FRMD6: variants seen among roughly 807,000 people sequenced by gnomAD.
FRMD6 encodes the protein FERM domain containing 6.
FRMD6 carries 37 observed loss-of-function variants against 73.2 expected under a neutral mutation model. That is an observed-to-expected ratio of 0.51 (90% CI 0.39 to 0.66). The LOEUF (loss-of-function observed/expected upper bound fraction) is 0.66, where lower values mean the gene tolerates loss of function less well. FRMD6 is among the 30% of genes least tolerant of loss of function. FRMD6 has a pLI of 0.00. For synonymous variants in FRMD6, 273 were observed against 282.2 expected, an observed-to-expected ratio of 0.97 and a Z score of 0.33; for missense variants, 714 against 780.5, an observed-to-expected ratio of 0.91 and a Z score of 1.02.
chr14:51,533,504 G>A (rs1266200089), intron 1 of FRMD6, among the ~76,000 whole-genome samples: 3 of 152,052 alleles, frequency 2.0e-5, no homozygotes, highest in Non-Finnish European at 4.4e-5. Context: ...TAGAGATTAC[G>A]GCTGACTCTC....
At chr14:51,417,023 C>T in the FRMD6 span, among the ~76,000 whole-genome samples, 3 of 152,026 alleles carry the variant, frequency 2.0e-5, no homozygotes, top group African/African-American at 7.3e-5. Flanking sequence ...CTTCCTCCAT[C>T]CCTTTATTTT....
At chr14:51,514,214 G>C (rs1010598964) in intron 1 of FRMD6, among the ~76,000 whole-genome samples, 3 of 152,146 alleles carry the variant, frequency 2.0e-5, no homozygotes, top group Admixed American at 1.3e-4. Context: ...TAGAGAGACA[G>C]GGATAGTTCT....
At chr14:51,594,561 T>C (rs950230632) in intron 2 of FRMD6, among the ~76,000 whole-genome samples, 1 of 152,010 alleles carries the variant, frequency 6.6e-6, no homozygotes, top group African/African-American at 2.4e-5. Flanking sequence ...ACTCCCGACC[T>C]CAAGTGATCC....
At chr14:51,677,499 C>G (rs975326722) in intron 1 of FRMD6, among the ~76,000 whole-genome samples, 3 of 152,048 alleles carry the variant, frequency 2.0e-5, no homozygotes, top group African/African-American at 7.2e-5. Context: ...GAGAACAGCA[C>G]TTTTTGTTGG....
In FRMD6 at chr14:51,644,353, TCACACA is replaced by T. The variant is rs375341468; in HGVS notation, c.-146-45308_-146-45303del. ...ATCTCAGATTTCTCTGCCTCACCCT[TCACACA>T]CACACACACACACACACACACACAC... On this transcript the variant is annotated intron_variant, in intron 2 of 14. Transcript: ENST00000356218. 9.5e-3 allele frequency among the ~76,000 whole-genome samples: 1,352 copies of T among 142,158 alleles called. 21 individuals carry two copies. Among genetic ancestry groups the T allele is most frequent in the African/African-American group, 0.033 (1,253 of 37,636 alleles). 93.3% of individuals were successfully genotyped at this position (142,158 alleles called of 152,430 possible).
chr14:51,727,156 C>T (rs773300540), intron 13 of FRMD6, among the ~76,000 whole-genome samples: 1 of 152,032 alleles, frequency 6.6e-6, no homozygotes, highest in Non-Finnish European at 1.5e-5. Flanking sequence ...CTATATCCTA[C>T]CCAGCACCAA....
chr14:51,601,067 C>A (rs1890011289), intron 2 of FRMD6, among the ~76,000 whole-genome samples: 1 of 152,170 alleles, frequency 6.6e-6, no homozygotes, highest in Non-Finnish European at 1.5e-5. Context: ...CACCCTGATG[C>A]CCAGATGTTG....
In FRMD6 at chr14:51,727,811, T is replaced by C; in HGVS notation, c.1651T>C (p.Tyr551His). The C allele has an allele frequency of 6.2e-7, 1 of 1,614,100 alleles. No individual in the cohort carries two copies. The highest frequency in any genetic ancestry group is 8.5e-7 in the Non-Finnish European group (1 of 1,179,920). ...HSLSLDDIRL[Y>H]QKDFLRIAGL... ...CTTGAGCCTCGATGACATCAGACTT[T>C]ACCAGAAAGACTTCCTGCGCATTGC... Residue 551 changes from tyrosine to histidine, a missense_variant, in exon 14 of 14, where the codon TAC (tyrosine) becomes CAC (histidine). Physicochemically the swap from Tyr to His is moderately conservative, Grantham distance 83. Coordinates refer to ENST00000344768, the MANE Select transcript of FRMD6 (RefSeq NM_001267046.2).
chr14:51,617,907 A>C (rs923263430), intron 2 of FRMD6, among the ~76,000 whole-genome samples: 3 of 152,194 alleles, frequency 2.0e-5, no homozygotes, highest in Admixed American at 2.0e-4. Flanking sequence ...AAAATAAAAC[A>C]TGCAATAGAT....
At chr14:51,662,634 T>A (rs1323427447) in intron 1 of FRMD6, among the ~76,000 whole-genome samples, 1 of 152,138 alleles carries the variant, frequency 6.6e-6, no homozygotes. Flanking sequence ...TTATACCATA[T>A]ACAAAAATTA....
At chr14:51,396,618 G>A in the FRMD6 span, among the ~76,000 whole-genome samples, 4 of 152,266 alleles carry the variant, frequency 2.6e-5, no homozygotes, top group South Asian at 6.2e-4. Flanking sequence ...ACACAGACAC[G>A]TCCAGAGGTG....
chr14:51,625,440 T>G (rs916812234), intron 2 of FRMD6, among the ~76,000 whole-genome samples: 2 of 145,494 alleles, frequency 1.4e-5, no homozygotes, highest in African/African-American at 5.1e-5. Flanking sequence ...ATGGCCCTTT[T>G]GGGATTCCCC....
At chr14:51,476,909 A>G in the FRMD6 span, among the ~76,000 whole-genome samples, 1 of 152,244 alleles carries the variant, frequency 6.6e-6, no homozygotes, top group African/African-American at 2.4e-5. Flanking sequence ...GAAGAGAGTA[A>G]CTATAGGGAA....
At chr14:51,616,893 C>T (rs1429873934) in intron 2 of FRMD6, among the ~76,000 whole-genome samples, 1 of 152,194 alleles carries the variant, frequency 6.6e-6, no homozygotes, top group Non-Finnish European at 1.5e-5. Context: ...CTAGAGGTGA[C>T]TTTGTGTGCA....
chr14:51,649,685 C>G (rs999822805), upstream of FRMD6: 1 of 152,198 alleles, frequency 6.6e-6, no homozygotes. Context: ...GTGCAATCCT[C>G]TACCTTTAAA....
chr14:51,663,412 A>T (rs534433895), intron 1 of FRMD6, among the ~76,000 whole-genome samples: 1 of 152,374 alleles, frequency 6.6e-6, no homozygotes, highest in African/African-American at 2.4e-5. Flanking sequence ...GTACATATAT[A>T]TCATGGAATA....
At chr14:51,555,064 C>T (rs1887052614) in intron 1 of FRMD6, among the ~76,000 whole-genome samples, 1 of 152,072 alleles carries the variant, frequency 6.6e-6, no homozygotes, top group Non-Finnish European at 1.5e-5. Context: ...CATTGTGGAC[C>T]CTTCCTCCAA....
At chr14:51,611,954 T>G (rs1053752144) in intron 2 of FRMD6, among the ~76,000 whole-genome samples, 1 of 152,184 alleles carries the variant, frequency 6.6e-6, no homozygotes, top group African/African-American at 2.4e-5. Context: ...AAATTTTATA[T>G]GATCACAAAT....
chr14:51,520,849 G>A (rs1291158987), intron 1 of FRMD6, among the ~76,000 whole-genome samples: 1 of 152,156 alleles, frequency 6.6e-6, no homozygotes, highest in African/African-American at 2.4e-5. Flanking sequence ...GGTCGAGGCT[G>A]CAGTGAGCCA....
Sources: allele counts gnomAD v4.1 joint callset (sites outside exome capture counted in the v4.1 genomes callset), GRCh38; gene constraint gnomAD v4.1.1; transcripts MANE v1.5; gene names NCBI Gene and HGNC (gene_info 2026-07-23, HGNC 2026-07-21).